Variants in TANC2 observed in about 807,000 individuals in gnomAD.
The protein encoded by TANC2 is tetratricopeptide repeat, ankyrin repeat and coiled-coil containing 2.
Under a neutral mutation model 210.5 loss-of-function variants are expected in TANC2, and 26 were observed. That is an observed-to-expected ratio of 0.12 (90% CI 0.09 to 0.17). The LOEUF (loss-of-function observed/expected upper bound fraction) is 0.17. TANC2 is among the 10% of genes least tolerant of loss of function. TANC2 has a pLI of 1.00. For missense variants in TANC2, 2,129 were observed against 2,608.9 expected (o/e 0.82, Z 4.01); for synonymous variants, 931 against 967.1 (o/e 0.96, Z 0.69).
chr17:63,419,050 C>T (rs2048947948), intron 27 of TANC2, among the ~76,000 whole-genome samples: 1 of 152,224 alleles, frequency 6.6e-6, no homozygotes, highest in Non-Finnish European at 1.5e-5. Context: ...CCCAGAATAA[C>T]CTAGAACCTG....
intron 2 of TANC2, among the ~76,000 whole-genome samples, chr17:63,045,720 C>T (rs1214386948): frequency 6.6e-6 from 1 of 152,058 alleles, no homozygotes; most frequent in Non-Finnish European, 1.5e-5. Context: ...CCAGCTTTCT[C>T]ATGTACTAAG....
intron 7 of TANC2, among the ~76,000 whole-genome samples, chr17:63,230,166 C>G (rs910256620): frequency 4.0e-5 from 6 of 151,846 alleles, no homozygotes; most frequent in African/African-American, 1.2e-4. Context: ...CTATTTGATT[C>G]TTCTCTCTTC....
At chr17:63,020,658 G>A (rs1284083992) in intron 2 of TANC2, among the ~76,000 whole-genome samples, 1 of 152,194 alleles carries the variant, frequency 6.6e-6, no homozygotes, top group Non-Finnish European at 1.5e-5. Flanking sequence ...GTACACAAAA[G>A]TCAGTTCATC....
chr17:63,058,121 G>C (rs1269768461), intron 2 of TANC2, among the ~76,000 whole-genome samples: 2 of 151,956 alleles, frequency 1.3e-5, no homozygotes, highest in Non-Finnish European at 2.9e-5. Context: ...TTAGTAATAG[G>C]CATTCTGACT....
At chr17:63,301,190 T>C (rs2044700668) in intron 9 of TANC2, among the ~76,000 whole-genome samples, 1 of 152,312 alleles carries the variant, frequency 6.6e-6, no homozygotes, top group Non-Finnish European at 1.5e-5. Flanking sequence ...CAGTATTTTA[T>C]TGAGGATTTT....
At chr17:63,258,738 C>T (rs975391548) in intron 8 of TANC2, among the ~76,000 whole-genome samples, 5 of 152,228 alleles carry the variant, frequency 3.3e-5, no homozygotes, top group East Asian at 3.9e-4. Context: ...GGGTAGGTGG[C>T]TCCCCTATGG....
intron 5 of TANC2, among the ~76,000 whole-genome samples, chr17:63,188,803 A>C (rs538748365): frequency 1.1e-4 from 17 of 152,218 alleles, no homozygotes; most frequent in South Asian, 8.3e-4. Flanking sequence ...ATACCAAAAA[A>C]TACATCCTTT....
intron 9 of TANC2, among the ~76,000 whole-genome samples, chr17:63,304,638 AG>A: frequency 6.6e-6 from 1 of 152,242 alleles, no homozygotes; most frequent in South Asian, 2.1e-4. Context: ...TTTGCTGGGT[AG>A]GGGGCCTTGT....
chr17:63,093,514 A>G (rs1302204500), intron 3 of TANC2, among the ~76,000 whole-genome samples: 2 of 152,114 alleles, frequency 1.3e-5, no homozygotes, highest in East Asian at 1.9e-4. Context: ...GGATTACTGT[A>G]CCACATAGTA....
At chr17:63,284,804 G>C (rs572854923) in intron 9 of TANC2, among the ~76,000 whole-genome samples, 1 of 151,506 alleles carries the variant, frequency 6.6e-6, no homozygotes, top group East Asian at 1.9e-4. Flanking sequence ...CTACTTGTTC[G>C]CTTAATTATT....
chr17:62,989,957 A>G (rs541187163), intron 1 of TANC2, among the ~76,000 whole-genome samples: 17 of 151,866 alleles, frequency 1.1e-4, no homozygotes, highest in African/African-American at 4.1e-4. Context: ...TATTTTTAGT[A>G]GAGATGGGGT....
At chr17:62,973,262 C>G (rs2031812477) in intron 1 of TANC2, among the ~76,000 whole-genome samples, 1 of 152,124 alleles carries the variant, frequency 6.6e-6, no homozygotes, top group African/African-American at 2.4e-5. Context: ...GAACTTCTGA[C>G]CTCGAATGAT....
At chr17:62,967,723 A>G (rs1418699080) in intron 1 of TANC2, 1 of 152,046 alleles carries the variant, frequency 6.6e-6, no homozygotes, top group African/African-American at 2.4e-5. Flanking sequence ...AAAGGGATAG[A>G]TTTTCAGGCA....
chr17:63,230,047 C>T (rs2042431254), intron 7 of TANC2, among the ~76,000 whole-genome samples: 1 of 152,166 alleles, frequency 6.6e-6, no homozygotes. Flanking sequence ...CCTTTCACCT[C>T]AACCTCCCAA....
At chr17:63,363,001 G>A (rs2047010802) in intron 14 of TANC2, among the ~76,000 whole-genome samples, 2 of 152,180 alleles carry the variant, frequency 1.3e-5, no homozygotes. Context: ...GCATACAAGT[G>A]TTCCCTTTTC....
intron 7 of TANC2, among the ~76,000 whole-genome samples, chr17:63,216,151 T>A (rs988351379): frequency 6.6e-6 from 1 of 151,962 alleles, no homozygotes; most frequent in African/African-American, 2.4e-5. Flanking sequence ...TGGGTTTAAG[T>A]GATTCTCATG....
intron 2 of TANC2, among the ~76,000 whole-genome samples, chr17:63,028,840 T>A (rs2034657165): frequency 6.6e-6 from 1 of 152,084 alleles, no homozygotes; most frequent in Non-Finnish European, 1.5e-5. Context: ...ACTTCATATG[T>A]TCTCAGGCCA....
intron 1 of TANC2, among the ~76,000 whole-genome samples, chr17:62,979,861 G>C (rs901643097): frequency 1.3e-5 from 2 of 152,202 alleles, no homozygotes; most frequent in African/African-American, 4.8e-5. Context: ...GCAGTGAGTC[G>C]TGTTAGCACC....
At chr17:63,332,155 A>G (rs773339465) in intron 11 of TANC2, 17 of 349,404 alleles carry the variant, frequency 4.9e-5, no homozygotes, top group Admixed American at 4.2e-4. Flanking sequence ...TTTAAGATCA[A>G]CTTCAAAAGT....
Sources: allele counts gnomAD v4.1 joint callset (sites outside exome capture counted in the v4.1 genomes callset), GRCh38; gene constraint gnomAD v4.1.1; transcripts MANE v1.5; gene names NCBI Gene and HGNC (gene_info 2026-07-23, HGNC 2026-07-21).